The following SHPRH variants were observed in gnomAD, a reference collection of about 807,000 sequenced individuals.
SHPRH encodes E3 ubiquitin-protein ligase SHPRH.
In SHPRH, 106 loss-of-function variants were observed where a neutral mutation model predicts 202.5. The observed-to-expected ratio is 0.52, with a 90% CI of 0.45 to 0.62. SHPRH has a LOEUF of 0.62. SHPRH is among the 20% of genes least tolerant of loss of function. The probability of loss-of-function intolerance (pLI) is 0.00; values close to 1 mark genes in which losing one functional copy is unlikely to be tolerated. For missense variants in SHPRH, 1,710 were observed against 2,020.0 expected (o/e 0.85, Z 2.94); for synonymous variants, 729 against 686.0 (o/e 1.06, Z -0.98).
chr6:145,918,401 ATTT>A (rs74909823), intron 22 of SHPRH, 169 bp from the exon 23 acceptor site: 681 of 322,250 alleles, frequency 2.1e-3, no homozygotes, highest in Middle Eastern at 2.5e-3. Context: ...ATTTCAAATG[ATTT>A]TTTTTTTTTT....
In SHPRH at chr6:145,909,030, T is replaced by C. The variant is rs1368855106; in HGVS notation, c.4515+1418A>G. ...ATCCTTTCCCCATTGTTTGTTTTTG[T>C]CGGGTCTGTCAAAGATCAGTTGTAG... On this transcript the variant is annotated intron_variant, in intron 25 of 29. Transcript: ENST00000275233. 2.0e-5 allele frequency: 3 copies of C among 152,270 alleles called. No homozygotes were observed. In the East Asian group the frequency reaches 5.8e-4, roughly 29 times the overall value. 9.4% of individuals were successfully genotyped at this position (152,270 alleles called of 1,614,324 possible). A position where few individuals can be genotyped will look rare whatever the true frequency, so the allele number is the denominator to read the frequency against.
intron 24 of SHPRH, among the ~76,000 whole-genome samples, chr6:145,910,983 C>T (rs918289803): frequency 2.0e-4 from 30 of 152,162 alleles, no homozygotes; most frequent in African/African-American, 6.5e-4. Context: ...TAATATCATA[C>T]TCGATATGTT....
chr6:145,922,941 T>C lies in SHPRH; in HGVS notation c.3546-105A>G, dbSNP rs373751261. On this transcript the variant is annotated intron_variant, in intron 18 of 29. Transcript: ENST00000275233. ...CAAACAAAGTGTTAAAGAAACTGTT[T>C]GCTGTTTTTTTTTTTTTTAACAGCA... The C allele has an allele frequency of 1.0e-5, 13 of 1,263,550 alleles. 1 individual carries two copies. In the South Asian group the frequency reaches 1.8e-4, roughly 18 times the overall value. The allele number at this position is 1,263,550 out of a possible 1,614,324, so 78.3% of individuals were successfully genotyped here.
At chr6:145,950,056 C>T (rs1261967001) in intron 4 of SHPRH, among the ~76,000 whole-genome samples, 3 of 151,990 alleles carry the variant, frequency 2.0e-5, no homozygotes, top group Non-Finnish European at 4.4e-5. Flanking sequence ...CAAGAAAAAC[C>T]AGTACAAACT....
intron 2 of SHPRH, among the ~76,000 whole-genome samples, chr6:145,879,418 G>A (rs1483894687): frequency 6.6e-6 from 1 of 152,130 alleles, no homozygotes; most frequent in East Asian, 1.9e-4. Context: ...ACCTAAAACA[G>A]AAAATACCAT....
rs370415579 is a variant in SHPRH, at chr6:145,910,568, G to A, written c.4395C>T (p.Ser1465=). The A allele has an allele frequency of 2.5e-6, 4 of 1,612,560 alleles. No homozygotes were observed. Among genetic ancestry groups the A allele is most frequent in the Non-Finnish European group, 3.4e-6 (4 of 1,179,550 alleles). ...ECISIIIEQY[S]VGSHRSSIKC... ...TAATGGAGCTTCTGTGAGATCCCAC[G>A]CTGTATTGTTCAATAATTATAGAAA... The change falls in exon 25 of 30, where the codon AGC becomes AGT. Residue 1465 remains serine, a synonymous_variant. Coordinates refer to ENST00000275233, the MANE Select transcript of SHPRH (RefSeq NM_001042683.3).
At chr6:145,917,162 T>G (rs147968878) in intron 23 of SHPRH, 12 of 152,260 alleles carry the variant, frequency 7.9e-5, no homozygotes, top group Non-Finnish European at 1.8e-4. Flanking sequence ...AATAATGATC[T>G]TAATAATATT....
chr6:145,933,034 G>C, intron 14 of SHPRH, 23 bp downstream of exon 14: 1 of 1,607,752 alleles, frequency 6.2e-7, no homozygotes, highest in Middle Eastern at 1.7e-4. Context: ...GAAAGAATCA[G>C]AGATAAAGCA....
intron 4 of SHPRH, among the ~76,000 whole-genome samples, chr6:145,948,627 T>C (rs1787648852): frequency 6.6e-6 from 1 of 152,034 alleles, no homozygotes; most frequent in South Asian, 2.1e-4. Context: ...GTGTGGCAGA[T>C]TACAGAGAAT....
chr6:145,927,075 T>C, intron 15 of SHPRH, 114 bp downstream of exon 15: 1 of 893,646 alleles, frequency 1.1e-6, no homozygotes, highest in Admixed American at 2.2e-5. Context: ...GAATCCCAAG[T>C]TTCACCCAGT....
At position 145,888,224 on chromosome 6, in the gene SHPRH, G is replaced by C. The variant is rs754644709; in HGVS notation, c.4875-124C>G. The C allele has an allele frequency of 4.7e-6, 3 of 635,204 alleles. No individual in the cohort carries two copies. The African/African-American group carries it at 5.6e-5, about 12-fold the overall frequency. 39.3% of individuals were successfully genotyped at this position (635,204 alleles called of 1,614,324 possible). On this transcript the variant is annotated intron_variant, in intron 28 of 29. Coordinates refer to ENST00000275233, the MANE Select transcript of SHPRH (RefSeq NM_001042683.3). ...TGCCCACTTGTGGCAGGTGCTGGGAGGGGTTCAGCAGCGAATAAAATGAAC... is the reference window on the plus strand; with the variant it reads ...TGCCCACTTGTGGCAGGTGCTGGGACGGGTTCAGCAGCGAATAAAATGAAC...
chr6:145,903,312 A>C (rs1371025605), intron 25 of SHPRH: 2 of 151,718 alleles, frequency 1.3e-5, no homozygotes, highest in African/African-American at 4.8e-5. Context: ...GTCACAAATG[A>C]TCTTTAAATT....
chr6:145,904,596 A>G (rs1243855901), intron 25 of SHPRH: 1 of 152,376 alleles, frequency 6.6e-6, no homozygotes, highest in East Asian at 1.9e-4. Flanking sequence ...AGTCAGAAGA[A>G]GAGACAGGAA....
chr6:145,864,429 G>T lies in SHPRH; in HGVS notation c.284C>A (p.Ser95Tyr), dbSNP rs117306655. 1,933 of 404,716 alleles carry T rather than the reference G, an allele frequency of 4.8e-3. 42 individuals are homozygous for T. In the East Asian group the frequency reaches 0.068, roughly 14 times the overall value. The allele number at this position is 404,716 out of a possible 1,614,324, so 25.1% of individuals were successfully genotyped here. A position where few individuals can be genotyped will look rare whatever the true frequency, so the allele number is the denominator to read the frequency against. Residue 95 changes from serine to tyrosine, a missense_variant, in exon 3 of 3, where the codon TCC becomes TAC. Coordinates refer to the SHPRH transcript ENST00000417762. Reference sequence around the variant, plus strand: ...CAACTGTAGAATGGCAGTTGTCAGGGACCAGGGGTGGGAGAATGGGGTGAT... The same window carrying T: ...CAACTGTAGAATGGCAGTTGTCAGGTACCAGGGGTGGGAGAATGGGGTGAT...
chr6:145,858,856 A>G, the SHPRH span, among the ~76,000 whole-genome samples: 1 of 152,034 alleles, frequency 6.6e-6, no homozygotes, highest in Non-Finnish European at 1.5e-5. Flanking sequence ...ATAATCTGGC[A>G]TACTTTCAAC....
chr6:145,943,086 T>C, intron 9 of SHPRH, 57 bp downstream of exon 9: 3 of 1,501,354 alleles, frequency 2.0e-6, no homozygotes, highest in Non-Finnish European at 2.7e-6. Context: ...TAGGAAACTA[T>C]CATGAAGAAG....
chr6:145,963,347 C>T (rs1789300015), intron 1 of SHPRH, among the ~76,000 whole-genome samples: 1 of 151,990 alleles, frequency 6.6e-6, no homozygotes, highest in South Asian at 2.1e-4. Context: ...CAGAAAAAGC[C>T]CCAAGTTCCT....
chr6:145,945,452 C>T lies in SHPRH; in HGVS notation c.1507G>A (p.Gly503Ser). Residue 503 changes from glycine (G) to serine (S), a missense_variant, in exon 8 of 30, where the codon GGT becomes AGT. Physicochemically the swap from Gly to Ser is moderately conservative, Grantham distance 56. Coordinates refer to ENST00000275233, the MANE Select transcript of SHPRH (RefSeq NM_001042683.3). Reference sequence around the variant, plus strand: ...CCCAATGTAAAAGTCCCAGAAAAACCATGGCCTTTGATCTGTTTCACGAGA... The same window carrying T: ...CCCAATGTAAAAGTCCCAGAAAAACTATGGCCTTTGATCTGTTTCACGAGA... The part of the protein sequence containing the change: ...EGLVKQIKGH[G>S]FSGTFTLGKN... 1 of 1,613,088 alleles carries T rather than the reference C, an allele frequency of 6.2e-7. No individual in the cohort carries two copies. Among genetic ancestry groups the T allele is most frequent in the Non-Finnish European group, 8.5e-7 (1 of 1,179,484 alleles).
At chr6:145,929,938 G>A (rs1346095682) in intron 14 of SHPRH, among the ~76,000 whole-genome samples, 1 of 151,990 alleles carries the variant, frequency 6.6e-6, no homozygotes. Flanking sequence ...TTTTCAATGT[G>A]CTTCTACATT....
Sources: allele counts gnomAD v4.1 joint callset (sites outside exome capture counted in the v4.1 genomes callset), GRCh38; gene constraint gnomAD v4.1.1; transcripts MANE v1.5; gene names NCBI Gene and HGNC (gene_info 2026-07-23, HGNC 2026-07-21).